The following SLC39A11 variants were observed in gnomAD, a reference collection of about 807,000 sequenced individuals.
SLC39A11 encodes the protein solute carrier family 39 member 11, also known as zinc transporter ZIP11.
In SLC39A11, 33 loss-of-function variants were observed where a neutral mutation model predicts 36.1. The observed-to-expected ratio is 0.91, with a 90% CI of 0.69 to 1.22. The LOEUF (loss-of-function observed/expected upper bound fraction) is 1.22. SLC39A11 is among the 50% of genes most tolerant of loss of function. SLC39A11 has a pLI of 0.00. For synonymous variants in SLC39A11, 166 were observed against 170.3 expected (o/e 0.97, Z 0.20); for missense variants, 432 against 430.3 (o/e 1.00, Z -0.03).
chr17:72,933,054 C>T (rs1304600663), intron 5 of SLC39A11, among the ~76,000 whole-genome samples: 2 of 152,198 alleles, frequency 1.3e-5, no homozygotes, highest in Non-Finnish European at 2.9e-5. Flanking sequence ...TGCTCTTACT[C>T]CTCCCTTCAA....
intron 5 of SLC39A11, among the ~76,000 whole-genome samples, chr17:72,852,518 C>A (rs1598111315): frequency 6.6e-6 from 1 of 152,298 alleles, no homozygotes; most frequent in Admixed American, 6.5e-5. Flanking sequence ...AGTATTTACA[C>A]AAGGCGAAGC....
In SLC39A11 at chr17:72,926,481, C is replaced by T. The variant is rs552832414; in HGVS notation, c.430+21271G>A. On this transcript the variant is annotated intron_variant, in intron 5 of 9. Transcript: ENST00000255559. ...AAATGACTGGAGGCTCCTCTGACTT[C>T]GGAGTAATTGCTTTGAATGTTTTGG... 1.3e-3 allele frequency among the ~76,000 whole-genome samples: 200 copies of T among 152,110 alleles called. 2 individuals are homozygous for T. The highest frequency in any genetic ancestry group is 2.9e-3 in the Admixed American group (44 of 15,286).
chr17:72,927,823 T>C (rs113918898), intron 5 of SLC39A11, among the ~76,000 whole-genome samples: 23 of 150,588 alleles, frequency 1.5e-4, no homozygotes, highest in Non-Finnish European at 3.2e-4. Flanking sequence ...CACACACACA[T>C]ACACACACAC....
intron 6 of SLC39A11, among the ~76,000 whole-genome samples, chr17:72,832,216 T>C (rs1371375590): frequency 2.6e-5 from 4 of 152,210 alleles, no homozygotes; most frequent in Non-Finnish European, 5.9e-5. Context: ...CATGCAGCCA[T>C]ACACTTGTCT....
At chr17:73,055,212 C>T (rs1036905247) in intron 3 of SLC39A11, among the ~76,000 whole-genome samples, 3 of 152,014 alleles carry the variant, frequency 2.0e-5, no homozygotes, top group African/African-American at 7.3e-5. Flanking sequence ...AATGAATTCC[C>T]GTTAGAGTGC....
intron 6 of SLC39A11, among the ~76,000 whole-genome samples, chr17:72,798,836 C>T (rs565617198): frequency 1.3e-5 from 2 of 152,174 alleles, no homozygotes; most frequent in South Asian, 4.1e-4. Context: ...GGGACACAAG[C>T]ATTCAGTCCA....
intron 5 of SLC39A11, among the ~76,000 whole-genome samples, chr17:72,872,152 G>A (rs904430577): frequency 3.9e-5 from 6 of 152,222 alleles, no homozygotes; most frequent in African/African-American, 1.4e-4. Flanking sequence ...AGTGCCTGGG[G>A]AGGGCAGGTG....
intron 3 of SLC39A11, among the ~76,000 whole-genome samples, chr17:73,070,234 C>A (rs2060122265): frequency 1.3e-5 from 2 of 152,208 alleles, no homozygotes; most frequent in African/African-American, 4.8e-5. Flanking sequence ...TATCCCATGA[C>A]CGACTGGAAA....
At chr17:73,049,146 T>C (rs967639611) in intron 3 of SLC39A11, among the ~76,000 whole-genome samples, 1 of 152,180 alleles carries the variant, frequency 6.6e-6, no homozygotes, top group Admixed American at 6.5e-5. Context: ...GTAGCTGGGA[T>C]TCCAGACAGC....
rs755932065 is a variant in SLC39A11 at position 72,947,868 on chromosome 17, G to A, written c.314C>T (p.Ala105Val). 13 of 1,613,624 alleles carry A rather than the reference G, an allele frequency of 8.1e-6. No individual in the cohort carries two copies. In the Admixed American group the frequency reaches 1.2e-4, roughly 14 times the overall value. The change falls in exon 5 of 10, where the codon GCA becomes GTA. Residue 105 changes from alanine to valine, a missense_variant. Coordinates refer to ENST00000255559, the MANE Select transcript of SLC39A11 (RefSeq NM_139177.4). ...TGCCAGGGTCGTCTGGGGGTCTTCT[G>A]CTGCACCCTGAAACAAGAAGCGGTA... ...ADLLMPHLGA[A>V]EDPQTTLALN... is the part of the protein sequence containing the mutation.
chr17:73,057,470 T>TC (rs1216454092), intron 3 of SLC39A11, among the ~76,000 whole-genome samples: 1 of 152,232 alleles, frequency 6.6e-6, no homozygotes, highest in African/African-American at 2.4e-5. Flanking sequence ...ATTTACTTTT[T>TC]CTCTTAGTAA....
intron 7 of SLC39A11, among the ~76,000 whole-genome samples, chr17:72,670,190 CACACACACACACACACACACACATAT>C (rs1567927560): frequency 7.3e-6 from 1 of 137,928 alleles, no homozygotes; most frequent in Admixed American, 7.4e-5. Context: ...CACACACACA[CACACACACACACACACACACACATAT>C]ATATATATGC....
intron 4 of SLC39A11, among the ~76,000 whole-genome samples, chr17:73,014,356 G>C (rs2090694653): frequency 6.6e-6 from 1 of 152,106 alleles, no homozygotes; most frequent in African/African-American, 2.4e-5. Context: ...TCAATCAGCT[G>C]AGTAACTATC....
intron 6 of SLC39A11, among the ~76,000 whole-genome samples, chr17:72,755,869 G>A (rs2075351365): frequency 6.6e-6 from 1 of 152,218 alleles, no homozygotes; most frequent in East Asian, 1.9e-4. Context: ...ATTTCTGGGA[G>A]GGAGATGCCA....
At chr17:72,932,372 C>T (rs12051674) in intron 5 of SLC39A11, among the ~76,000 whole-genome samples, 12,231 of 150,940 alleles carry the variant, frequency 0.081, 945 homozygotes, top group East Asian at 0.37. Context: ...TATACACATG[C>T]CATGGTGGTT....
At chr17:72,776,317 G>A (rs929423376) in intron 6 of SLC39A11, among the ~76,000 whole-genome samples, 4 of 152,142 alleles carry the variant, frequency 2.6e-5, no homozygotes, top group Admixed American at 2.6e-4. Context: ...AAAACCAGAA[G>A]ACAGCATTTA....
At chr17:72,663,750 C>T (rs1218777014) in intron 7 of SLC39A11, 2 of 152,130 alleles carry the variant, frequency 1.3e-5, no homozygotes, top group African/African-American at 2.4e-5. Context: ...GTCTGTCCCG[C>T]GAAGCATCTC....
intron 7 of SLC39A11, among the ~76,000 whole-genome samples, chr17:72,724,158 T>C (rs866575791): frequency 7.3e-5 from 11 of 151,646 alleles, no homozygotes; most frequent in Admixed American, 2.6e-4. Context: ...AGCATTATCA[T>C]AAAAAGCCAT....
At chr17:72,910,763 C>G (rs942027822) in intron 5 of SLC39A11, among the ~76,000 whole-genome samples, 1 of 117,186 alleles carries the variant, frequency 8.5e-6, no homozygotes, top group Non-Finnish European at 1.9e-5. Context: ...CTCATCTCTA[C>G]TAAAAATATA....
Sources: gnomAD v4.1 joint callset for allele counts (sites outside exome capture counted in the v4.1 genomes callset) on GRCh38, gnomAD v4.1.1 for gene constraint, MANE v1.5 for transcripts, NCBI Gene and HGNC (gene_info 2026-07-23, HGNC 2026-07-21) for gene names.